Variants in TBC1D16 observed in about 807,000 individuals in gnomAD.
TBC1D16 encodes TBC1 domain family member 16.
TBC1D16 carries 58 observed loss-of-function variants against 74.7 expected under a neutral mutation model. That is an observed-to-expected ratio of 0.78 (90% CI 0.63 to 0.97). The LOEUF is 0.97. Ranked by LOEUF, TBC1D16 falls within the 50% of genes least tolerant of loss-of-function variation. The pLI is 0.00. For synonymous variants in TBC1D16, 493 were observed against 474.7 expected (o/e 1.04, Z -0.50); for missense variants, 1,014 against 1,079.5 (o/e 0.94, Z 0.85).
chr17:80,020,704 C>T (rs902751857), intron 1 of TBC1D16, among the ~76,000 whole-genome samples: 2 of 150,196 alleles, frequency 1.3e-5, no homozygotes, highest in African/African-American at 5.1e-5. Flanking sequence ...ATAAACTCCA[C>T]ATTTTAATAC....
chr17:80,029,991 T>G (rs550831427), intron 1 of TBC1D16, among the ~76,000 whole-genome samples: 1 of 152,204 alleles, frequency 6.6e-6, no homozygotes, highest in East Asian at 1.9e-4. Flanking sequence ...GATCGAGTCC[T>G]TCTCATACCT....
At position 79,949,888 on chromosome 17, in the gene TBC1D16, G is replaced by A. The variant is rs2032904755; in HGVS notation, c.1258-23C>T. ...GGCCTGGAGGAAGCGGCAAAAGTTGGGGAGGGGATAAAATGGGGCAGCTCA... is the reference window on the plus strand; with the variant it reads ...GGCCTGGAGGAAGCGGCAAAAGTTGAGGAGGGGATAAAATGGGGCAGCTCA... On this transcript the variant is annotated intron_variant, in intron 6 of 11. Transcript: ENST00000310924. 1.9e-6 allele frequency: 3 copies of A among 1,608,162 alleles called. No homozygotes were observed. In the East Asian group the frequency reaches 6.7e-5, roughly 36 times the overall value.
chr17:79,946,361 C>A (rs1389208381), intron 9 of TBC1D16, among the ~76,000 whole-genome samples: 1 of 152,256 alleles, frequency 6.6e-6, no homozygotes, highest in East Asian at 1.9e-4. Flanking sequence ...TCTAATGCAG[C>A]CGCTGATCTG....
intron 10 of TBC1D16, among the ~76,000 whole-genome samples, chr17:79,942,994 A>G (rs1432685932): frequency 1.3e-5 from 2 of 152,154 alleles, no homozygotes; most frequent in Non-Finnish European, 2.9e-5. Context: ...AAGACACGCC[A>G]CCTTTGATGC....
intron 1 of TBC1D16, among the ~76,000 whole-genome samples, chr17:80,027,424 T>C (rs956716103): frequency 3.9e-5 from 6 of 152,006 alleles, no homozygotes; most frequent in African/African-American, 1.4e-4. Context: ...TGGAGAAACC[T>C]TGTCTCTACA....
chr17:79,950,743 A>T lies in TBC1D16; in HGVS notation c.1090-165T>A. ...ATGGCGAGTGTAATTAGGCGCAATT[A>T]AAATGAAAATACCTTCATCTTAAAA... On this transcript the variant is annotated intron_variant, in intron 5 of 11. Coordinates refer to ENST00000310924, the MANE Select transcript of TBC1D16 (RefSeq NM_019020.4). The surrounding 1 kb of genome is among the most constrained non-coding windows in gnomAD (Gnocchi z 4.6). The T allele has an allele frequency of 2.0e-6, 3 of 1,537,948 alleles. No individual in the cohort carries two copies. The highest frequency in any genetic ancestry group is 2.6e-6 in the Non-Finnish European group (3 of 1,146,520).
Position 79,980,818 on chromosome 17 carries a change from C to A in TBC1D16, c.780-28000G>T, listed in dbSNP as rs1598382675. ...GGACTCAGTGGCACACCTGGGACTG[C>A]CCGAATCTGTGCCCTGGTCCCCGTT... On this transcript the variant is annotated intron_variant, in intron 3 of 11. Transcript: ENST00000310924. The surrounding 1 kb of genome is among the most constrained non-coding windows in gnomAD (Gnocchi z 7.0). Among the ~76,000 whole-genome samples, 1 of 152,298 alleles carries A rather than the reference C, an allele frequency of 6.6e-6. No individual in the cohort carries two copies. The highest frequency in any genetic ancestry group is 1.9e-4 in the East Asian group (1 of 5,174).
intron 3 of TBC1D16, among the ~76,000 whole-genome samples, chr17:80,006,418 C>T (rs1027875146): frequency 6.6e-6 from 1 of 152,002 alleles, no homozygotes; most frequent in African/African-American, 2.4e-5. Context: ...CATGGGCAGC[C>T]GGGCTGGGGA....
chr17:79,961,919 AGGGTTTATC>A lies in TBC1D16; in HGVS notation c.780-9110_780-9102del, dbSNP rs774070273. Among the ~76,000 whole-genome samples, 529 of 152,236 alleles carry A rather than the reference AGGGTTTATC, an allele frequency of 3.5e-3. 2 individuals carry two copies. The highest frequency in any genetic ancestry group is 5.5e-3 in the Admixed American group (84 of 15,272). On this transcript the variant is annotated intron_variant, in intron 3 of 11. Transcript: ENST00000310924. The surrounding 1 kb of genome is among the most constrained non-coding windows in gnomAD (Gnocchi z 4.8). ...AATAGATAAGAACTGAAAACAACCC[AGGGTTTATC>A]AACAGCCAATGCAGTAATGAATCGT...
chr17:80,005,076 T>C (rs1737334394), intron 3 of TBC1D16, among the ~76,000 whole-genome samples: 1 of 150,834 alleles, frequency 6.6e-6, no homozygotes, highest in African/African-American at 2.4e-5. Context: ...TGTTCTTGTT[T>C]TTGTTGTTGT....
At chr17:79,970,386 C>T (rs2034034725) in intron 3 of TBC1D16, among the ~76,000 whole-genome samples, 1 of 152,130 alleles carries the variant, frequency 6.6e-6, no homozygotes, top group Non-Finnish European at 1.5e-5. Flanking sequence ...TACTAACTGC[C>T]ACTGCATTGT....
In TBC1D16 at chr17:79,935,154, G is replaced by A. The variant is rs1282458647; in HGVS notation, c.*5705C>T. 3 of 152,290 alleles carry A rather than the reference G, an allele frequency of 2.0e-5. No individual in the cohort carries two copies. The highest frequency in any genetic ancestry group is 1.3e-4 in the Admixed American group (2 of 15,294). The allele number at this position is 152,290 out of a possible 1,614,324, so 9.4% of individuals were successfully genotyped here. A position where few individuals can be genotyped will look rare whatever the true frequency, so the allele number is the denominator to read the frequency against. On this transcript the variant is annotated 3_prime_UTR_variant, in exon 12 of 12. Coordinates refer to ENST00000310924, the MANE Select transcript of TBC1D16 (RefSeq NM_019020.4). Reference sequence around the variant, plus strand: ...TGAAACCAGAGCCCCGGCAGCCAAGGCTCAATAAAATACTGTTTGTGTTTC... The same window carrying A: ...TGAAACCAGAGCCCCGGCAGCCAAGACTCAATAAAATACTGTTTGTGTTTC...
chr17:80,024,904 T>A (rs1568649337), intron 1 of TBC1D16, among the ~76,000 whole-genome samples: 1 of 139,132 alleles, frequency 7.2e-6, no homozygotes, highest in African/African-American at 3.1e-5. Context: ...TGCATAAACA[T>A]CACACACACA....
chr17:80,032,990 C>T (rs945448244), intron 1 of TBC1D16, among the ~76,000 whole-genome samples: 5 of 152,292 alleles, frequency 3.3e-5, no homozygotes, highest in South Asian at 4.1e-4. Flanking sequence ...ACCCAGCCCC[C>T]GGTCAAGTTG....
intron 3 of TBC1D16, among the ~76,000 whole-genome samples, chr17:79,996,529 G>A (rs374250940): frequency 1.3e-5 from 2 of 152,236 alleles, no homozygotes; most frequent in African/African-American, 4.8e-5. Context: ...GTAAATTTCT[G>A]GTGGGAGTGT....
Position 79,956,648 on chromosome 17 carries a change from T to C in TBC1D16, c.780-3830A>G, listed in dbSNP as rs1282621994. ...GGACAAGCCAGCTCTCAGAAAAAGC[T>C]TGAAGGGGAGGAAGAAACCTTCAAA... On this transcript the variant is annotated intron_variant, in intron 3 of 11. Coordinates refer to ENST00000310924, the MANE Select transcript of TBC1D16 (RefSeq NM_019020.4). This position sits in a 1 kb window ranked among gnomAD's most constrained non-coding sequence, Gnocchi z 4.0. Among the ~76,000 whole-genome samples, 1 of 152,192 alleles carries C rather than the reference T, an allele frequency of 6.6e-6. No individual in the cohort carries two copies. Among genetic ancestry groups the C allele is most frequent in the East Asian group, 1.9e-4 (1 of 5,200 alleles).
At position 80,010,838 on chromosome 17, in the gene TBC1D16, C is replaced by T. The variant is rs998835442; in HGVS notation, c.182-81G>A. Reference sequence around the variant, plus strand: ...CTTGTGGTACCTTTGGCGAGCTGCTCGGAGAGGCCACTGCCCTTTAGTAAA... The same window carrying T: ...CTTGTGGTACCTTTGGCGAGCTGCTTGGAGAGGCCACTGCCCTTTAGTAAA... On this transcript the variant is annotated intron_variant, in intron 2 of 11. Transcript: ENST00000310924. This position sits in a 1 kb window ranked among gnomAD's most constrained non-coding sequence, Gnocchi z 8.8. The T allele has an allele frequency of 8.3e-6, 9 of 1,087,380 alleles. No homozygotes were observed. The highest frequency in any genetic ancestry group is 5.6e-5 in the East Asian group (2 of 35,882). 67.4% of individuals were successfully genotyped at this position (1,087,380 alleles called of 1,614,324 possible). A position where few individuals can be genotyped will look rare whatever the true frequency, so the allele number is the denominator to read the frequency against.
intron 3 of TBC1D16, among the ~76,000 whole-genome samples, chr17:79,969,088 G>A (rs1359427793): frequency 1.3e-5 from 2 of 151,888 alleles, no homozygotes; most frequent in East Asian, 3.9e-4. Context: ...ATTATTCCCT[G>A]GAGAAATGCA....
intron 3 of TBC1D16, chr17:79,991,988 CTGGTGGCCCCCCCATCCT>C (rs1251898975): frequency 6.6e-6 from 1 of 152,278 alleles, no homozygotes; most frequent in African/African-American, 2.4e-5. Context: ...GGCCGGGGGC[CTGGTGGCCCCCCCATCCT>C]CGCCGGACCT....
Sources: gnomAD v4.1 joint callset for allele counts (sites outside exome capture counted in the v4.1 genomes callset) on GRCh38, gnomAD v4.1.1 for gene constraint, Gnocchi (gnomAD v3.1) non-coding constraint, MANE v1.5 for transcripts, NCBI Gene and HGNC (gene_info 2026-07-23, HGNC 2026-07-21) for gene names.